Variants in IQCK observed in about 807,000 individuals in gnomAD.
IQCK encodes the protein IQ domain-containing protein K.
IQCK carries 29 observed loss-of-function variants against 28.1 expected under a neutral mutation model. The observed-to-expected ratio is 1.03, with a 90% CI of 0.77 to 1.41. IQCK has a LOEUF of 1.41. IQCK is among the 40% of genes most tolerant of loss of function. The pLI, the probability that IQCK is intolerant of heterozygous loss-of-function variation, is 0.00. For missense variants in IQCK, 359 were observed against 314.7 expected, an observed-to-expected ratio of 1.14 and a Z score of -1.07; for synonymous variants, 113 against 115.1, an observed-to-expected ratio of 0.98 and a Z score of 0.12.
chr16:19,736,135 C>T (rs1054721446), intron 4 of IQCK: 2 of 455,888 alleles, frequency 4.4e-6, no homozygotes, highest in East Asian at 6.9e-5. Context: ...CCTGGCATCT[C>T]TCTACTCCAT....
intron 9 of IQCK, among the ~76,000 whole-genome samples, chr16:19,832,265 A>G (rs2056241902): frequency 1.3e-5 from 2 of 152,178 alleles, no homozygotes; most frequent in Admixed American, 6.6e-5. Context: ...TATATACATC[A>G]TATATATCAT....
rs535251395 is a variant in IQCK at position 19,763,738 on chromosome 16, C to G, written c.475-110C>G. 1,220 of 837,714 alleles carry G rather than the reference C, an allele frequency of 1.5e-3. 27 individuals carry two copies. The South Asian group carries it at 0.018, about 12-fold the overall frequency. 51.9% of individuals were successfully genotyped at this position (837,714 alleles called of 1,614,324 possible). A position where few individuals can be genotyped will look rare whatever the true frequency, so the allele number is the denominator to read the frequency against. On this transcript the variant is annotated intron_variant, in intron 4 of 7. Coordinates refer to ENST00000564186, the Ensembl canonical transcript of IQCK. The stretch of plus-strand genomic sequence containing the variant: ...GATTACAGGCGTGAGCCACCACACC[C>G]AGCCAGTGTTAAGCTTTATTGAAAA...
intron 7 of IQCK, among the ~76,000 whole-genome samples, chr16:19,809,458 C>G (rs1190789208): frequency 6.6e-6 from 1 of 152,186 alleles, no homozygotes; most frequent in Non-Finnish European, 1.5e-5. Context: ...CCACAGTTCT[C>G]CTCCATGTGG....
chr16:19,750,011 C>T (rs531973745), intron 4 of IQCK, among the ~76,000 whole-genome samples: 12 of 152,150 alleles, frequency 7.9e-5, no homozygotes, highest in South Asian at 2.1e-4. Flanking sequence ...TTTGTAGATG[C>T]GTGACCCCAG....
chr16:19,767,072 G>C (rs1268873056), intron 6 of IQCK, among the ~76,000 whole-genome samples: 1 of 152,190 alleles, frequency 6.6e-6, no homozygotes, highest in Non-Finnish European at 1.5e-5. Context: ...CATGCAACAG[G>C]GGGATGTGGC....
intron 7 of IQCK, among the ~76,000 whole-genome samples, chr16:19,819,823 C>T (rs1047749019): frequency 6.6e-6 from 1 of 151,710 alleles, no homozygotes; most frequent in East Asian, 1.9e-4. Flanking sequence ...ACCATTCTTG[C>T]TAATACGGTG....
chr16:19,846,810 G>T (rs1007694150), intron 9 of IQCK, among the ~76,000 whole-genome samples: 4 of 151,796 alleles, frequency 2.6e-5, no homozygotes, highest in South Asian at 2.1e-4. Context: ...GGGGCAGAGG[G>T]GCATAGATTT....
Position 19,721,012 on chromosome 16 carries a change from G to GA in IQCK, c.181+2539dup, listed in dbSNP as rs1174204582. Among the ~76,000 whole-genome samples, 717 of 114,506 alleles carry GA rather than the reference G, an allele frequency of 6.3e-3. 3 individuals carry two copies. The highest frequency in any genetic ancestry group is 0.01 in the African/African-American group (332 of 32,396). 75.1% of individuals were successfully genotyped at this position (114,506 alleles called of 152,430 possible). The stretch of plus-strand genomic sequence containing the variant: ...GGGCAACAAAGTAAGAATCCGTCTA[G>GA]AAAAAAAAAAAAAACAATTCAGTGA... On this transcript the variant is annotated intron_variant, in intron 1 of 7. Coordinates refer to ENST00000564186, the Ensembl canonical transcript of IQCK.
intron 6 of IQCK, among the ~76,000 whole-genome samples, chr16:19,777,358 G>C (rs2055409700): frequency 6.6e-6 from 1 of 152,002 alleles, no homozygotes; most frequent in Admixed American, 6.6e-5. Context: ...AACTGAAAAT[G>C]CTCCTACCTT....
chr16:19,778,677 A>G (rs12924640), intron 6 of IQCK, among the ~76,000 whole-genome samples: 1 of 152,138 alleles, frequency 6.6e-6, no homozygotes, highest in African/African-American at 2.4e-5. Context: ...AAAAATAAAA[A>G]CAAAATAAAA....
intron 4 of IQCK, among the ~76,000 whole-genome samples, chr16:19,755,435 C>G (rs1020234909): frequency 3.3e-5 from 5 of 152,198 alleles, no homozygotes; most frequent in African/African-American, 1.2e-4. Flanking sequence ...GGATGTCACA[C>G]TGCAGAGAGA....
intron 6 of IQCK, among the ~76,000 whole-genome samples, chr16:19,777,582 A>G (rs1258515984): frequency 6.6e-6 from 1 of 152,168 alleles, no homozygotes; most frequent in Non-Finnish European, 1.5e-5. Context: ...ATTCACATTC[A>G]TCTTCAAATA....
At chr16:19,821,410 T>C (rs1165208022) in intron 7 of IQCK, among the ~76,000 whole-genome samples, 5 of 151,974 alleles carry the variant, frequency 3.3e-5, no homozygotes, top group African/African-American at 1.2e-4. Context: ...CCCTTCCAAA[T>C]TGAAAATAGG....
chr16:19,825,799 G>A lies in IQCK; in HGVS notation c.691-1227G>A, dbSNP rs1023352144. ...TATTATTCATCTCTTTAATCTCAAC[G>A]TCTAGCACAAAAGTTGGTATGAAGT... On this transcript the variant is annotated intron_variant, in intron 7 of 7. Coordinates refer to ENST00000564186, the Ensembl canonical transcript of IQCK. This position sits in a 1 kb window ranked among gnomAD's most constrained non-coding sequence, Gnocchi z 4.2. Among the ~76,000 whole-genome samples the A allele has an allele frequency of 4.6e-5, 7 of 152,028 alleles. No individual in the cohort carries two copies. Among genetic ancestry groups the A allele is most frequent in the African/African-American group, 1.7e-4 (7 of 41,408 alleles).
intron 4 of IQCK, among the ~76,000 whole-genome samples, chr16:19,759,168 T>C (rs903892347): frequency 2.6e-5 from 4 of 152,178 alleles, no homozygotes; most frequent in African/African-American, 9.7e-5. Context: ...CAACAGGGAC[T>C]GCTCACCTGC....
chr16:19,831,658 T>TACTTCA (rs1215190500), downstream of IQCK, among the ~76,000 whole-genome samples: 2 of 150,402 alleles, frequency 1.3e-5, no homozygotes, highest in African/African-American at 2.4e-5. Context: ...TTCAACTTCA[T>TACTTCA]TAAAAAAAAA....
At chr16:19,845,594 T>C (rs548970982) in intron 9 of IQCK, among the ~76,000 whole-genome samples, 2 of 152,286 alleles carry the variant, frequency 1.3e-5, no homozygotes, top group South Asian at 4.1e-4. Context: ...TTTCAGCTAA[T>C]TGCAAAATGG....
intron 6 of IQCK, among the ~76,000 whole-genome samples, chr16:19,774,402 T>C (rs2055362220): frequency 8.2e-6 from 1 of 121,676 alleles, no homozygotes; most frequent in Non-Finnish European, 1.5e-5. Context: ...CTAATACTTT[T>C]TTTTTTTTTT....
intron 9 of IQCK, 129 bp from the exon 9 acceptor site, chr16:19,856,358 T>G (rs1323667927): frequency 1.4e-6 from 1 of 694,720 alleles, no homozygotes; most frequent in Non-Finnish European, 2.6e-6. Flanking sequence ...GCCGGAACCA[T>G]GAATAGCAGG....
Sources: gnomAD v4.1 joint callset for allele counts (sites outside exome capture counted in the v4.1 genomes callset) on GRCh38, gnomAD v4.1.1 for gene constraint, Gnocchi (gnomAD v3.1) non-coding constraint, MANE v1.5 for transcripts, NCBI Gene and HGNC (gene_info 2026-07-23, HGNC 2026-07-21) for gene names.